AJAP1: variants seen among roughly 807,000 people sequenced by gnomAD.
AJAP1 encodes adherens junctions associated protein 1.
In AJAP1, 5 loss-of-function variants were observed where a neutral mutation model predicts 35.0. The observed-to-expected ratio is 0.14, with a 90% CI of 0.07 to 0.30. The LOEUF is 0.30. AJAP1 is among the 10% of genes least tolerant of loss of function. AJAP1 has a pLI of 1.00. For synonymous variants in AJAP1, 284 were observed against 249.3 expected, an observed-to-expected ratio of 1.14 and a Z score of -1.31; for missense variants, 586 against 571.0, an observed-to-expected ratio of 1.03 and a Z score of -0.27.
intron 2 of AJAP1, among the ~76,000 whole-genome samples, chr1:4,761,601 C>T (rs1292699624): frequency 6.6e-6 from 1 of 152,150 alleles, no homozygotes; most frequent in Non-Finnish European, 1.5e-5. Flanking sequence ...ACAGAACTAA[C>T]AGGATTGATG....
chr1:4,745,557 T>C lies in AJAP1; in HGVS notation c.830-24296T>C, dbSNP rs74813163. Among the ~76,000 whole-genome samples, 208 of 152,308 alleles carry C rather than the reference T, an allele frequency of 1.4e-3. 3 individuals are homozygous for C. In the East Asian group the frequency reaches 0.036, roughly 26 times the overall value. The stretch of plus-strand genomic sequence containing the variant: ...TCTCCTCCTTCCACCCAGACTGCCT[T>C]ACCCTCCTCTGCTGTTCACAGTGCC... On this transcript the variant is annotated intron_variant, in intron 2 of 5. Coordinates refer to ENST00000378191, the MANE Select transcript of AJAP1 (RefSeq NM_018836.4).
At chr1:4,733,881 T>C (rs1640857719) in intron 2 of AJAP1, among the ~76,000 whole-genome samples, 1 of 152,110 alleles carries the variant, frequency 6.6e-6, no homozygotes, top group African/African-American at 2.4e-5. Flanking sequence ...AGAAGATTCT[T>C]GTTCTGATTT....
intron 1 of AJAP1, among the ~76,000 whole-genome samples, chr1:4,690,906 G>C (rs1639724787): frequency 6.6e-6 from 1 of 152,196 alleles, no homozygotes; most frequent in African/African-American, 2.4e-5. Flanking sequence ...GTGCGCACTG[G>C]GTCATTGGCC....
Position 4,735,720 on chromosome 1 carries a change from A to G in AJAP1, c.829+23021A>G, listed in dbSNP as rs118127639. Among the ~76,000 whole-genome samples, 101 of 152,220 alleles carry G rather than the reference A, an allele frequency of 6.6e-4. No individual in the cohort carries two copies. In the East Asian group the frequency reaches 0.018, roughly 27 times the overall value. The stretch of plus-strand genomic sequence containing the variant: ...CTGAAGCCCTACCCTGGCTTGACTC[A>G]TGCAGTGCAGCCATCTGAGCCTCAG... On this transcript the variant is annotated intron_variant, in intron 2 of 5. Transcript: ENST00000378191.
intron 1 of AJAP1, among the ~76,000 whole-genome samples, chr1:4,659,234 A>G (rs538893489): frequency 1.4e-4 from 22 of 152,350 alleles, no homozygotes; most frequent in African/African-American, 5.3e-4. Context: ...TCAAAGGGTT[A>G]CAAGTCAGTA....
intron 1 of AJAP1, among the ~76,000 whole-genome samples, chr1:4,688,637 T>C (rs1639662135): frequency 6.6e-6 from 1 of 151,772 alleles, no homozygotes; most frequent in African/African-American, 2.4e-5. Context: ...CCGAGCGTGG[T>C]GGCGTGCACC....
chr1:4,662,874 A>G (rs557627218), intron 1 of AJAP1, among the ~76,000 whole-genome samples: 36 of 152,336 alleles, frequency 2.4e-4, no homozygotes, highest in African/African-American at 8.2e-4. Context: ...CTTGGTATAA[A>G]GGGGAATATT....
rs1557648875 is a variant in AJAP1, at chr1:4,772,300, CTCG to C, written c.942_944del (p.Arg315del). The stretch of plus-strand genomic sequence containing the variant: ...TCCAGCTGTGCCCAAAGCGGGAACA[CTCG>C]TCGGAACAGCCACCAGCGGAAGACC... On this transcript the variant is annotated inframe_deletion, in exon 4 of 6. Coordinates refer to ENST00000378191, the MANE Select transcript of AJAP1 (RefSeq NM_018836.4). 2.5e-6 allele frequency: 4 copies of C among 1,614,122 alleles called. No homozygotes were observed. The highest frequency in any genetic ancestry group is 3.4e-6 in the Non-Finnish European group (4 of 1,180,016).
chr1:4,661,938 T>C (rs1053873415), intron 1 of AJAP1, among the ~76,000 whole-genome samples: 1 of 152,148 alleles, frequency 6.6e-6, no homozygotes, highest in East Asian at 1.9e-4. Flanking sequence ...AGGAGGCCTC[T>C]ATCGAGAGCT....
At chr1:4,673,332 C>G (rs376699255) in intron 1 of AJAP1, among the ~76,000 whole-genome samples, 1 of 152,226 alleles carries the variant, frequency 6.6e-6, no homozygotes, top group African/African-American at 2.4e-5. Context: ...GTGCCACTGA[C>G]GGCCCAGTGT....
At chr1:4,662,998 G>A (rs1437154566) in intron 1 of AJAP1, among the ~76,000 whole-genome samples, 3 of 152,174 alleles carry the variant, frequency 2.0e-5, no homozygotes, top group African/African-American at 7.2e-5. Context: ...TGGAAAGTGT[G>A]GGCTTCAGGG....
At chr1:4,699,780 A>T (rs1639946479) in intron 1 of AJAP1, among the ~76,000 whole-genome samples, 1 of 152,170 alleles carries the variant, frequency 6.6e-6, no homozygotes, top group African/African-American at 2.4e-5. Flanking sequence ...AGAGAAAGAC[A>T]CAGCTACTAT....
chr1:4,755,539 C>G (rs1226314469), intron 2 of AJAP1, among the ~76,000 whole-genome samples: 1 of 152,028 alleles, frequency 6.6e-6, no homozygotes, highest in Admixed American at 6.6e-5. Flanking sequence ...GCTGCCCCCA[C>G]CCCCACCCCC....
chr1:4,752,238 G>A (rs575757571), intron 2 of AJAP1, among the ~76,000 whole-genome samples: 9 of 151,704 alleles, frequency 5.9e-5, no homozygotes, highest in African/African-American at 2.2e-4. Context: ...GAAGACACTG[G>A]TGGCTTTGTT....
intron 1 of AJAP1, among the ~76,000 whole-genome samples, chr1:4,669,673 A>G (rs532046426): frequency 1.3e-5 from 2 of 152,246 alleles, no homozygotes; most frequent in Non-Finnish European, 2.9e-5. Context: ...ACAATATGTA[A>G]CCTTTTGTGT....
chr1:4,766,844 T>C (rs938603035), intron 2 of AJAP1, among the ~76,000 whole-genome samples: 2 of 152,132 alleles, frequency 1.3e-5, no homozygotes, highest in Non-Finnish European at 2.9e-5. Flanking sequence ...TCATTTTTCT[T>C]CTTTAGCATC....
intron 1 of AJAP1, among the ~76,000 whole-genome samples, chr1:4,685,859 G>A (rs1399759292): frequency 6.6e-6 from 1 of 152,224 alleles, no homozygotes; most frequent in African/African-American, 2.4e-5. Context: ...GTCATCCAGA[G>A]GCTGCAGGGC....
chr1:4,755,506 C>T (rs1308614079), intron 2 of AJAP1, among the ~76,000 whole-genome samples: 2 of 152,060 alleles, frequency 1.3e-5, no homozygotes, highest in African/African-American at 4.8e-5. Flanking sequence ...TGCAAGCTTC[C>T]GGCCTTGCTC....
intron 1 of AJAP1, among the ~76,000 whole-genome samples, chr1:4,679,839 GTGTGTGTGTGTGT>G (rs1470659802): frequency 6.6e-6 from 1 of 151,256 alleles, no homozygotes; most frequent in East Asian, 1.9e-4. Flanking sequence ...GTGTGTGTGT[GTGTGTGTGTGTGT>G]AGAGAGAGAT....
Sources: allele counts gnomAD v4.1 joint callset (sites outside exome capture counted in the v4.1 genomes callset), GRCh38; gene constraint gnomAD v4.1.1; transcripts MANE v1.5; gene names NCBI Gene and HGNC (gene_info 2026-07-23, HGNC 2026-07-21).